SEC14L6: variants seen among roughly 807,000 people sequenced by gnomAD.
The protein encoded by SEC14L6 is SEC14 like lipid binding 6.
SEC14L6 carries 40 observed loss-of-function variants against 54.1 expected under a neutral mutation model. The ratio of observed to expected loss-of-function variants is 0.74; its 90% CI spans 0.57 to 0.96. The LOEUF (loss-of-function observed/expected upper bound fraction) is 0.96, where lower values mean the gene tolerates loss of function less well. Ranked by LOEUF, SEC14L6 falls within the 40% of genes least tolerant of loss-of-function variation. The pLI is 0.00. For missense variants in SEC14L6, 471 were observed against 498.3 expected, an observed-to-expected ratio of 0.95 and a Z score of 0.52; for synonymous variants, 171 against 198.4, an observed-to-expected ratio of 0.86 and a Z score of 1.16.
intron 1 of SEC14L6, among the ~76,000 whole-genome samples, chr22:30,546,276 CG>C (rs2085796789): frequency 6.7e-6 from 1 of 149,418 alleles, no homozygotes; most frequent in African/African-American, 2.5e-5. Flanking sequence ...CCAGCTACTC[CG>C]GAGGCTAGGG....
intron 1 of SEC14L6, chr22:30,543,262 C>T (rs1468472153): frequency 1.3e-6 from 2 of 1,590,782 alleles, no homozygotes; most frequent in Non-Finnish European, 1.7e-6. Context: ...CGAGGTGGCC[C>T]ACGTCACCTT....
At chr22:30,543,177 G>C (rs561660670) in intron 1 of SEC14L6, 31 of 1,603,646 alleles carry the variant, frequency 1.9e-5, no homozygotes, top group Non-Finnish European at 2.5e-5. Context: ...CCGCAAGAGA[G>C]AGCGTGTCCT....
chr22:30,527,730 A>AC (rs1420047055), intron 8 of SEC14L6, among the ~76,000 whole-genome samples: 13 of 151,324 alleles, frequency 8.6e-5, no homozygotes, highest in Admixed American at 4.6e-4. Context: ...AAAAAAAAAA[A>AC]AAAAAAAAAA....
In SEC14L6 at chr22:30,524,950, G is replaced by T; in HGVS notation, c.*47C>A. The T allele has an allele frequency of 2.0e-6, 2 of 980,630 alleles. No homozygotes were observed. The highest frequency in any genetic ancestry group is 1.6e-6 in the Non-Finnish European group (1 of 626,748). The allele number at this position is 980,630 out of a possible 1,614,324, so 60.7% of individuals were successfully genotyped here. ...GGCCAGGGAAGGCTGTGAACTCATTGTGGATTCAGAGATCAAAGAGGAGGG... is the reference window on the plus strand; with the variant it reads ...GGCCAGGGAAGGCTGTGAACTCATTTTGGATTCAGAGATCAAAGAGGAGGG... On this transcript the variant is annotated 3_prime_UTR_variant, in exon 12 of 12. Transcript: ENST00000402034.
intron 1 of SEC14L6, among the ~76,000 whole-genome samples, chr22:30,540,367 C>CTTTTTTTTTTTT (rs753718105): frequency 8.8e-6 from 1 of 114,040 alleles, no homozygotes; most frequent in Non-Finnish European, 1.8e-5. Context: ...CTTTTTGTTC[C>CTTTTTTTTTTTT]TTTTTTTTTT....
rs1285749053 is a variant in SEC14L6 at position 30,529,160 on chromosome 22, T to C, written c.591A>G (p.Leu197=). 7.1e-6 allele frequency: 11 copies of C among 1,551,064 alleles called. No individual in the cohort carries two copies. The East Asian group carries it at 1.5e-4, about 21-fold the overall frequency. Residue 197 remains leucine (L), a synonymous_variant, in exon 8 of 12, where the codon CTA becomes CTG. Transcript: ENST00000402034. ...KSLIVVRAPK[L]FAVAFNLVKS... ...TGACCAGGTTGAAGGCTACGGCGAA[T>C]AGCTTGGGGGCTGAAACCAGGCACA...
chr22:30,525,879 C>T lies in SEC14L6; in HGVS notation c.718G>A (p.Glu240Lys). 4 of 1,613,710 alleles carry T rather than the reference C, an allele frequency of 2.5e-6. No individual in the cohort carries two copies. The highest frequency in any genetic ancestry group is 3.4e-6 in the Non-Finnish European group (4 of 1,179,772). The change falls in exon 9 of 12, where the codon GAG (glutamate) becomes AAG (lysine). Residue 240 changes from glutamate to lysine, a missense_variant. Glu to Lys is a moderately conservative substitution (Grantham distance 56). Coordinates refer to ENST00000402034, the MANE Select transcript of SEC14L6 (RefSeq NM_001193336.4). ...GGGTCAGTCATGGTCCCCCCAAACTCCACGGGCAGCTGGTCGGGGCTGATG... is the reference window on the plus strand; with the variant it reads ...GGGTCAGTCATGGTCCCCCCAAACTTCACGGGCAGCTGGTCGGGGCTGATG... ...KFISPDQLPV[E>K]FGGTMTDPDG...
At chr22:30,530,229 G>A (rs1936924998) in intron 6 of SEC14L6, among the ~76,000 whole-genome samples, 1 of 152,032 alleles carries the variant, frequency 6.6e-6, no homozygotes, top group Admixed American at 6.6e-5. Flanking sequence ...GGGCAACATG[G>A]TGAAACCCCC....
intron 4 of SEC14L6, 25 bp downstream of exon 4, chr22:30,532,772 G>A (rs1048106293): frequency 6.2e-6 from 10 of 1,609,274 alleles, no homozygotes; most frequent in Non-Finnish European, 8.5e-6. Flanking sequence ...CCAGGGATCA[G>A]GGTATGGGTT....
intron 1 of SEC14L6, among the ~76,000 whole-genome samples, chr22:30,546,405 A>AC (rs2085798541): frequency 1.3e-5 from 2 of 150,966 alleles, no homozygotes; most frequent in Non-Finnish European, 3.0e-5. Context: ...AAAAAAAAAA[A>AC]AGGAAGAAAG....
intron 6 of SEC14L6, among the ~76,000 whole-genome samples, chr22:30,531,108 C>A (rs1477698050): frequency 6.6e-6 from 1 of 152,070 alleles, no homozygotes; most frequent in East Asian, 1.9e-4. Flanking sequence ...TCCCTGCCAA[C>A]AAAAGTAAGG....
At chr22:30,526,062 C>T in intron 8 of SEC14L6, 130 bp from the exon 9 acceptor site, 3 of 1,067,974 alleles carry the variant, frequency 2.8e-6, no homozygotes, top group Non-Finnish European at 4.2e-6. Flanking sequence ...ACTCCATTGC[C>T]TAGAGCAGTC....
chr22:30,546,714 G>A lies in SEC14L6; in HGVS notation c.-32C>T, dbSNP rs9608979. The A allele has an allele frequency of 0.014, 21,671 of 1,544,414 alleles. 177 individuals carry two copies. The highest frequency in any genetic ancestry group is 0.016 in the Non-Finnish European group (18,366 of 1,142,392). On this transcript the variant is annotated 5_prime_UTR_variant, in exon 1 of 12. Coordinates refer to ENST00000402034, the MANE Select transcript of SEC14L6 (RefSeq NM_001193336.4). ...CATGAATGGGTCCAGGCTCCACTCT[G>A]TGGCTCCCTCCAGGTGGCCTGCCTT...
At chr22:30,544,480 C>T (rs542556721) in intron 1 of SEC14L6, among the ~76,000 whole-genome samples, 7 of 152,268 alleles carry the variant, frequency 4.6e-5, no homozygotes, top group Admixed American at 1.3e-4. Context: ...TGACCTCCAC[C>T]ACCACCACCA....
At chr22:30,542,305 C>T (rs980945891) in intron 1 of SEC14L6, among the ~76,000 whole-genome samples, 1 of 152,190 alleles carries the variant, frequency 6.6e-6, no homozygotes, top group Admixed American at 6.5e-5. Flanking sequence ...GACACCCCCC[C>T]ACCCCCGCGC....
chr22:30,526,297 G>A (rs371309177), intron 8 of SEC14L6, among the ~76,000 whole-genome samples: 16 of 152,286 alleles, frequency 1.1e-4, no homozygotes, highest in Middle Eastern at 6.8e-3. Flanking sequence ...CCCGGTCTTC[G>A]CTTTCCCTTA....
intron 1 of SEC14L6, among the ~76,000 whole-genome samples, chr22:30,540,334 C>T (rs982331556): frequency 4.0e-5 from 6 of 149,470 alleles, no homozygotes; most frequent in African/African-American, 1.5e-4. Context: ...ATGTCCTTTT[C>T]CTGATGCAGA....
rs1936678625 is a variant in SEC14L6 at position 30,523,735 on chromosome 22, G to T, written c.*1262C>A. 6.6e-6 allele frequency: 1 copy of T among 152,192 alleles called. No individual in the cohort carries two copies. The highest frequency in any genetic ancestry group is 2.1e-4 in the South Asian group (1 of 4,830). 9.4% of individuals were successfully genotyped at this position (152,192 alleles called of 1,614,324 possible). A position where few individuals can be genotyped will look rare whatever the true frequency, so the allele number is the denominator to read the frequency against. On this transcript the variant is annotated 3_prime_UTR_variant, in exon 12 of 12. Transcript: ENST00000402034. ...TCTCAGATGCTATAACAGTGGGAGG[G>T]AACGTGTATGTGGAAGACAGAATAG...
chr22:30,529,563 C>T (rs1936901335), intron 6 of SEC14L6, among the ~76,000 whole-genome samples: 1 of 152,074 alleles, frequency 6.6e-6, no homozygotes, highest in African/African-American at 2.4e-5. Flanking sequence ...TAGTCATAGA[C>T]CTTCCTTGAA....
Sources: gnomAD v4.1 joint callset for allele counts (sites outside exome capture counted in the v4.1 genomes callset) on GRCh38, gnomAD v4.1.1 for gene constraint, MANE v1.5 for transcripts, NCBI Gene and HGNC (gene_info 2026-07-23, HGNC 2026-07-21) for gene names.